The following NTNG1 variants were observed in gnomAD, a reference collection of about 807,000 sequenced individuals.
NTNG1 encodes netrin-G1.
A neutral mutation model predicts 54.0 loss-of-function variants in NTNG1; 16 were observed. That is an observed-to-expected ratio of 0.30 (90% confidence interval 0.20 to 0.45). The LOEUF (loss-of-function observed/expected upper bound fraction) is 0.45, where lower values mean the gene tolerates loss of function less well. Among genes scored for constraint, NTNG1 ranks in the 20% least tolerant of loss-of-function variants. NTNG1 has a pLI of 1.00. For missense variants in NTNG1, 530 were observed against 678.7 expected, an observed-to-expected ratio of 0.78 and a Z score of 2.43; for synonymous variants, 255 against 263.1, an observed-to-expected ratio of 0.97 and a Z score of 0.30.
At chr1:107,477,238 A>G (rs1206793184) in intron 7 of NTNG1, among the ~76,000 whole-genome samples, 2 of 152,182 alleles carry the variant, frequency 1.3e-5, no homozygotes, top group Admixed American at 1.3e-4. Flanking sequence ...ACCTCTAGGG[A>G]AGGAGTGCCA....
chr1:107,189,089 C>G (rs527237932), intron 2 of NTNG1, among the ~76,000 whole-genome samples: 1 of 152,110 alleles, frequency 6.6e-6, no homozygotes, highest in South Asian at 2.1e-4. Flanking sequence ...CCGTGGCTCT[C>G]ACCTGTAATC....
At chr1:107,164,659 A>C (rs1655642733) in intron 2 of NTNG1, among the ~76,000 whole-genome samples, 1 of 152,202 alleles carries the variant, frequency 6.6e-6, no homozygotes, top group Non-Finnish European at 1.5e-5. Flanking sequence ...GATGTCAGGA[A>C]AGTAAAGACC....
rs541199477 is a variant in NTNG1 at position 107,317,914 on chromosome 1, A to G, written c.247-6368A>G. Among the ~76,000 whole-genome samples the G allele has an allele frequency of 3.9e-5, 6 of 152,336 alleles. No homozygotes were observed. The East Asian group carries it at 9.6e-4, about 24-fold the overall frequency. Reference sequence around the variant, plus strand: ...TTTAACTCCAGAGTTATACAAAAACAAAACTCTTTATCCTCTACTATTCTT... The same window carrying G: ...TTTAACTCCAGAGTTATACAAAAACGAAACTCTTTATCCTCTACTATTCTT... On this transcript the variant is annotated intron_variant, in intron 2 of 7. Transcript: ENST00000370068.
chr1:107,146,776 C>T (rs1027640683), intron 1 of NTNG1, among the ~76,000 whole-genome samples: 6 of 151,830 alleles, frequency 4.0e-5, no homozygotes, highest in African/African-American at 1.5e-4. Context: ...AATTACTTTG[C>T]TATGGAAACA....
intron 2 of NTNG1, among the ~76,000 whole-genome samples, chr1:107,251,931 A>G (rs925294000): frequency 1.3e-5 from 2 of 152,192 alleles, no homozygotes; most frequent in African/African-American, 4.8e-5. Context: ...ATACCAAAAT[A>G]CTGAGAACGG....
intron 5 of NTNG1, among the ~76,000 whole-genome samples, chr1:107,415,678 A>G (rs929637998): frequency 5.9e-5 from 9 of 152,150 alleles, no homozygotes; most frequent in Admixed American, 5.9e-4. Context: ...AAAAAATGAA[A>G]TTAATACATT....
At chr1:107,462,508 A>C (rs1571014414) in intron 7 of NTNG1, among the ~76,000 whole-genome samples, 1 of 152,224 alleles carries the variant, frequency 6.6e-6, no homozygotes, top group African/African-American at 2.4e-5. Context: ...CCAAGTCCTC[A>C]ATAAATAGAT....
At chr1:107,247,593 A>G (rs755719724) in intron 2 of NTNG1, among the ~76,000 whole-genome samples, 6 of 152,142 alleles carry the variant, frequency 3.9e-5, no homozygotes, top group Non-Finnish European at 2.9e-5. Flanking sequence ...TTGGGTCCCA[A>G]TCTTAGAACT....
intron 2 of NTNG1, among the ~76,000 whole-genome samples, chr1:107,199,670 C>A (rs1658588240): frequency 1.3e-5 from 2 of 151,810 alleles, no homozygotes; most frequent in African/African-American, 4.8e-5. Flanking sequence ...CTGATTTATT[C>A]ATCAGAAAAT....
At chr1:107,380,109 C>T (rs1371056809) in intron 3 of NTNG1, among the ~76,000 whole-genome samples, 1 of 152,204 alleles carries the variant, frequency 6.6e-6, no homozygotes, top group Admixed American at 6.5e-5. Context: ...CAGTGACCTT[C>T]AGGGGAGGCC....
At chr1:107,193,220 T>C (rs993363791) in intron 2 of NTNG1, among the ~76,000 whole-genome samples, 3 of 152,040 alleles carry the variant, frequency 2.0e-5, no homozygotes, top group African/African-American at 7.2e-5. Context: ...TTGTCACTTC[T>C]CAATACTCTC....
intron 2 of NTNG1, among the ~76,000 whole-genome samples, chr1:107,210,184 T>C (rs952156712): frequency 2.0e-5 from 3 of 152,132 alleles, no homozygotes; most frequent in Admixed American, 2.0e-4. Context: ...CAGAGGAGTT[T>C]GGGGTTTTAC....
At chr1:107,296,215 C>G (rs1570610266) in intron 2 of NTNG1, among the ~76,000 whole-genome samples, 1 of 152,106 alleles carries the variant, frequency 6.6e-6, no homozygotes, top group Non-Finnish European at 1.5e-5. Flanking sequence ...ACTGAATTTT[C>G]ATATGCCTTC....
At chr1:107,445,979 T>G (rs1676283658) in intron 7 of NTNG1, among the ~76,000 whole-genome samples, 1 of 152,156 alleles carries the variant, frequency 6.6e-6, no homozygotes, top group African/African-American at 2.4e-5. Flanking sequence ...GGAAGCAGGC[T>G]GGATTTGGCT....
chr1:107,207,130 G>C (rs1338910023), intron 2 of NTNG1, among the ~76,000 whole-genome samples: 2 of 152,088 alleles, frequency 1.3e-5, no homozygotes, highest in Non-Finnish European at 2.9e-5. Context: ...AGCTATCCTA[G>C]ACAGTCTCAA....
At chr1:107,340,039 G>T (rs1268099356) in intron 3 of NTNG1, among the ~76,000 whole-genome samples, 3 of 152,030 alleles carry the variant, frequency 2.0e-5, no homozygotes, top group Admixed American at 2.0e-4. Flanking sequence ...CCTCTGGGAG[G>T]ACAGACGCTT....
intron 2 of NTNG1, among the ~76,000 whole-genome samples, chr1:107,197,425 T>G (rs1658424688): frequency 1.3e-5 from 2 of 152,010 alleles, no homozygotes; most frequent in Admixed American, 1.3e-4. Flanking sequence ...ATGAAGCAAT[T>G]TTTCAACATT....
At chr1:107,323,999 CCTTCGTG>C (rs1324817377) in intron 2 of NTNG1, among the ~76,000 whole-genome samples, 1 of 152,008 alleles carries the variant, frequency 6.6e-6, no homozygotes, top group Non-Finnish European at 1.5e-5. Context: ...TTGCTCGGTG[CCTTCGTG>C]CTTCTGTGAC....
intron 1 of NTNG1, chr1:107,142,941 A>G (rs919215049): frequency 6.6e-6 from 1 of 152,164 alleles, no homozygotes; most frequent in African/African-American, 2.4e-5. Flanking sequence ...GTAACTGTCC[A>G]AGATTCTTTT....
Sources: allele counts gnomAD v4.1 joint callset (sites outside exome capture counted in the v4.1 genomes callset), GRCh38; gene constraint gnomAD v4.1.1; transcripts MANE v1.5; gene names NCBI Gene and HGNC (gene_info 2026-07-23, HGNC 2026-07-21).